Variants in NLGN1 observed in about 807,000 individuals in gnomAD.
NLGN1 encodes the protein neuroligin 1, also known as neuroligin-1.
NLGN1 carries 12 observed loss-of-function variants against 65.5 expected under a neutral mutation model. That is an observed-to-expected ratio of 0.18 (90% CI 0.12 to 0.30). The LOEUF (loss-of-function observed/expected upper bound fraction) is 0.30, where lower values mean the gene tolerates loss of function less well. Ranked by LOEUF, NLGN1 falls within the 10% of genes least tolerant of loss-of-function variation. The probability of loss-of-function intolerance (pLI) is 1.00; values close to 1 mark genes in which losing one functional copy is unlikely to be tolerated. For missense variants in NLGN1, 750 were observed against 1,007.1 expected (o/e 0.74, Z 3.46); for synonymous variants, 350 against 359.5 (o/e 0.97, Z 0.30).
At chr3:174,113,981 GA>G (rs1715798943) in intron 4 of NLGN1, among the ~76,000 whole-genome samples, 1 of 152,100 alleles carries the variant, frequency 6.6e-6, no homozygotes, top group South Asian at 2.1e-4. Context: ...GCAGTAGTAG[GA>G]ACCACTCTAA....
Position 174,141,309 on chromosome 3 carries a change from G to C in NLGN1, c.647-134006G>C, listed in dbSNP as rs191842773. Among the ~76,000 whole-genome samples the C allele has an allele frequency of 1.5e-4, 23 of 152,238 alleles. 1 individual carries two copies. The highest frequency in any genetic ancestry group is 5.3e-4 in the African/African-American group (22 of 41,560). On this transcript the variant is annotated intron_variant, in intron 4 of 6. Transcript: ENST00000457714. ...TTTCCTATCCAGTAATAAAATAAATGAGAGGAGGTTGCTGAAGTGTTTCCT... is the reference window on the plus strand; with the variant it reads ...TTTCCTATCCAGTAATAAAATAAATCAGAGGAGGTTGCTGAAGTGTTTCCT...
intron 4 of NLGN1, among the ~76,000 whole-genome samples, chr3:174,264,250 T>C (rs1747544529): frequency 6.6e-6 from 1 of 151,708 alleles, no homozygotes; most frequent in Non-Finnish European, 1.5e-5. Flanking sequence ...GATTGGGAAG[T>C]TCTCCTGGAT....
intron 3 of NLGN1, among the ~76,000 whole-genome samples, chr3:173,650,128 T>G: frequency 6.8e-6 from 1 of 146,686 alleles, no homozygotes; most frequent in African/African-American, 2.6e-5. Flanking sequence ...ATCAACTTTC[T>G]TACAGTTTGA....
At chr3:173,558,576 G>A (rs1742116389) in intron 2 of NLGN1, among the ~76,000 whole-genome samples, 1 of 151,952 alleles carries the variant, frequency 6.6e-6, no homozygotes, top group Admixed American at 6.6e-5. Context: ...TTCTTCTACA[G>A]GACCTACCCC....
chr3:174,041,440 TGA>T (rs1184253167), intron 4 of NLGN1, among the ~76,000 whole-genome samples: 9 of 152,200 alleles, frequency 5.9e-5, no homozygotes, highest in African/African-American at 9.6e-5. Context: ...AAAACTGCTA[TGA>T]GTGTTATTGT....
intron 4 of NLGN1, among the ~76,000 whole-genome samples, chr3:173,966,403 C>T (rs1714875923): frequency 6.6e-6 from 1 of 152,114 alleles, no homozygotes; most frequent in Non-Finnish European, 1.5e-5. Context: ...CTTGAAGGGG[C>T]TAGCATTAGA....
At position 173,977,339 on chromosome 3, in the gene NLGN1, A is replaced by G. The variant is rs574865100; in HGVS notation, c.646+169507A>G. The stretch of plus-strand genomic sequence containing the variant: ...CTTAAATGGGAGTGGGGATGGGGGA[A>G]GGGCACGTGCATAAACACTGTAATG... On this transcript the variant is annotated intron_variant, in intron 4 of 6. Coordinates refer to ENST00000457714, the Ensembl canonical transcript of NLGN1. Among the ~76,000 whole-genome samples the G allele has an allele frequency of 1.3e-3, 191 of 152,004 alleles. 1 individual carries two copies. Among genetic ancestry groups the G allele is most frequent in the African/African-American group, 4.4e-3 (183 of 41,516 alleles).
At chr3:174,033,986 A>G (rs1409339567) in intron 4 of NLGN1, among the ~76,000 whole-genome samples, 3 of 152,080 alleles carry the variant, frequency 2.0e-5, no homozygotes, top group Non-Finnish European at 4.4e-5. Context: ...GGTACAAATA[A>G]CTAACTAAAT....
At chr3:173,909,207 G>T (rs991695408) in intron 4 of NLGN1, among the ~76,000 whole-genome samples, 6 of 152,054 alleles carry the variant, frequency 3.9e-5, no homozygotes, top group Non-Finnish European at 7.4e-5. Flanking sequence ...TTTGGTTTCG[G>T]GGGAGGTTCA....
At chr3:173,669,963 C>T (rs149168186) in intron 3 of NLGN1, among the ~76,000 whole-genome samples, 349 of 152,226 alleles carry the variant, frequency 2.3e-3, no homozygotes, top group African/African-American at 8.2e-3. Flanking sequence ...TTGTTTACAG[C>T]ATAATTAAAA....
intron 2 of NLGN1, among the ~76,000 whole-genome samples, chr3:173,459,053 A>G (rs990619423): frequency 5.3e-5 from 8 of 152,050 alleles, no homozygotes; most frequent in African/African-American, 1.9e-4. Context: ...CTTTAGCCTC[A>G]GTGGTGGGAG....
At chr3:174,190,567 CAT>C (rs969392876) in intron 4 of NLGN1, among the ~76,000 whole-genome samples, 5 of 151,914 alleles carry the variant, frequency 3.3e-5, no homozygotes, top group Non-Finnish European at 5.9e-5. Flanking sequence ...ACTATATTAA[CAT>C]ATGCATGTAT....
chr3:173,543,649 A>G (rs1424825804), intron 2 of NLGN1, among the ~76,000 whole-genome samples: 6 of 152,164 alleles, frequency 3.9e-5, no homozygotes, highest in Non-Finnish European at 7.4e-5. Flanking sequence ...AACAGTAACC[A>G]AAGAACCTTG....
intron 2 of NLGN1, among the ~76,000 whole-genome samples, chr3:173,449,204 C>G (rs1721000826): frequency 6.6e-6 from 1 of 152,014 alleles, no homozygotes; most frequent in Non-Finnish European, 1.5e-5. Context: ...GCATTTAGTG[C>G]TATAAATTTC....
At chr3:173,991,676 ACTT>A (rs1560792394) in intron 4 of NLGN1, among the ~76,000 whole-genome samples, 1 of 152,208 alleles carries the variant, frequency 6.6e-6, no homozygotes, top group African/African-American at 2.4e-5. Flanking sequence ...GAGAAAGAAT[ACTT>A]CTTCTTTCAT....
In NLGN1 at chr3:173,987,719, C is replaced by T. The variant is rs181445354; in HGVS notation, c.646+179887C>T. On this transcript the variant is annotated intron_variant, in intron 4 of 6. Transcript: ENST00000457714. ...AAACTGTGCAAAGGCAATGCCTAAA[C>T]CCAGTTCTGCCCTGTAGTTATTTTT... Among the ~76,000 whole-genome samples, 3 of 152,298 alleles carry T rather than the reference C, an allele frequency of 2.0e-5. No individual in the cohort carries two copies. The East Asian group carries it at 5.8e-4, about 29-fold the overall frequency.
chr3:174,088,189 T>C (rs1371515051), intron 4 of NLGN1, among the ~76,000 whole-genome samples: 3 of 152,160 alleles, frequency 2.0e-5, no homozygotes, highest in Admixed American at 6.5e-5. Context: ...AAGTGAATGA[T>C]TAATTTGCAA....
At chr3:173,892,907 T>C (rs1735626390) in intron 4 of NLGN1, among the ~76,000 whole-genome samples, 1 of 152,216 alleles carries the variant, frequency 6.6e-6, no homozygotes, top group Non-Finnish European at 1.5e-5. Context: ...TATTGTACTA[T>C]CTTGGAGACT....
intron 3 of NLGN1, among the ~76,000 whole-genome samples, chr3:173,720,947 G>C (rs1057048796): frequency 6.6e-6 from 1 of 152,168 alleles, no homozygotes; most frequent in Non-Finnish European, 1.5e-5. Context: ...GAAGACTACC[G>C]TGGTCTTGAA....
Sources: allele counts gnomAD v4.1 joint callset (sites outside exome capture counted in the v4.1 genomes callset), GRCh38; gene constraint gnomAD v4.1.1; transcripts MANE v1.5; gene names NCBI Gene and HGNC (gene_info 2026-07-23, HGNC 2026-07-21).